Variants in MICAL3 observed in about 807,000 individuals in gnomAD.
The protein encoded by MICAL3 is microtubule associated monooxygenase, calponin and LIM domain containing 3.
A neutral mutation model predicts 207.4 loss-of-function variants in MICAL3; 62 were observed. That is an observed-to-expected ratio of 0.30 (90% confidence interval 0.24 to 0.37). The LOEUF is 0.37. MICAL3 is among the 10% of genes least tolerant of loss of function. The pLI is 1.00. For synonymous variants in MICAL3, 1,077 were observed against 1,069.3 expected (o/e 1.01, Z -0.14); for missense variants, 2,368 against 2,635.6 (o/e 0.90, Z 2.22).
intron 16 of MICAL3, among the ~76,000 whole-genome samples, chr22:17,882,921 C>A (rs1019290153): frequency 6.6e-6 from 1 of 152,210 alleles, no homozygotes; most frequent in Admixed American, 6.5e-5. Context: ...GCTGCGCTGG[C>A]AGGGACTACC....
intron 21 of MICAL3, among the ~76,000 whole-genome samples, chr22:17,831,253 CCCT>C (rs71728787): frequency 0.27 from 41,093 of 152,036 alleles, 5,724 homozygotes; most frequent in African/African-American, 0.3. Context: ...CCCAGCAAGT[CCCT>C]CCTCATCACT....
At chr22:17,856,513 C>T (rs999831963) in intron 19 of MICAL3, among the ~76,000 whole-genome samples, 8 of 152,098 alleles carry the variant, frequency 5.3e-5, no homozygotes, top group East Asian at 1.9e-4. Flanking sequence ...CCTCTACCAA[C>T]GCCAATGCCC....
chr22:17,916,055 CAAA>C (rs755146574), intron 1 of MICAL3, among the ~76,000 whole-genome samples: 3,794 of 57,822 alleles, frequency 0.066, 164 homozygotes, highest in African/African-American at 0.17. Flanking sequence ...GATCCAGTCT[CAAA>C]AAAAAAAAAA....
chr22:17,834,884 T>C (rs968545790), intron 20 of MICAL3, among the ~76,000 whole-genome samples: 1 of 152,278 alleles, frequency 6.6e-6, no homozygotes, highest in Admixed American at 6.5e-5. Flanking sequence ...AGGCTAAGGA[T>C]GCATCTATGC....
intron 1 of MICAL3, among the ~76,000 whole-genome samples, chr22:17,958,025 T>C (rs917276866): frequency 1.3e-5 from 2 of 152,148 alleles, no homozygotes; most frequent in African/African-American, 4.8e-5. Flanking sequence ...TACCCATAAC[T>C]GAAATCTTAG....
At chr22:18,021,041 AT>A (rs553350175) in intron 1 of MICAL3, among the ~76,000 whole-genome samples, 254 of 152,342 alleles carry the variant, frequency 1.7e-3, no homozygotes, top group African/African-American at 5.8e-3. Flanking sequence ...TGAAAAGGGA[AT>A]TTATTAAAGC....
intron 1 of MICAL3, among the ~76,000 whole-genome samples, chr22:18,003,709 G>T (rs1424800281): frequency 6.6e-6 from 1 of 151,966 alleles, no homozygotes; most frequent in Non-Finnish European, 1.5e-5. Context: ...CCTCCCAACA[G>T]CTGGTCACCC....
At chr22:17,916,051 GTC>G (rs1398541773) in intron 1 of MICAL3, among the ~76,000 whole-genome samples, 1 of 85,572 alleles carries the variant, frequency 1.2e-5, no homozygotes, top group East Asian at 3.6e-4. Context: ...GCGAGATCCA[GTC>G]TCAAAAAAAA....
At chr22:17,820,077 G>A (rs1391094231) in intron 25 of MICAL3, among the ~76,000 whole-genome samples, 1 of 150,044 alleles carries the variant, frequency 6.7e-6, no homozygotes. Context: ...AGGCTGCAGT[G>A]AGCCATGATC....
intron 16 of MICAL3, chr22:17,872,799 T>C (rs759156246): frequency 6.2e-6 from 10 of 1,613,804 alleles, no homozygotes; most frequent in East Asian, 4.5e-5. Context: ...TTGAAGCTGA[T>C]TGGCTATCTG....
intron 20 of MICAL3, among the ~76,000 whole-genome samples, chr22:17,837,270 G>A (rs974648201): frequency 2.0e-5 from 3 of 152,248 alleles, no homozygotes; most frequent in African/African-American, 7.2e-5. Flanking sequence ...GGCCAGCCCT[G>A]AGGGAGCGGC....
At position 17,862,619 on chromosome 22, in the gene MICAL3, GT is replaced by G. The variant is rs1331997917; in HGVS notation, c.2605+2279del. 3.8e-5 allele frequency: 37 copies of G among 985,260 alleles called. No individual in the cohort carries two copies. In the East Asian group the frequency reaches 1.0e-3, roughly 27 times the overall value. 61.0% of individuals were successfully genotyped at this position (985,260 alleles called of 1,614,324 possible). ...GTCTAGTTAAGTCCTCAAAGCTTCAGTTTCATATTTAAAGAAGGAAATCTCT... is the reference window on the plus strand; with the variant it reads ...GTCTAGTTAAGTCCTCAAAGCTTCAGTTCATATTTAAAGAAGGAAATCTCT... On this transcript the variant is annotated intron_variant, in intron 19 of 31. Coordinates refer to ENST00000441493, the MANE Select transcript of MICAL3 (RefSeq NM_015241.3).
chr22:17,914,377 A>C (rs1761840612), intron 1 of MICAL3, among the ~76,000 whole-genome samples: 1 of 152,118 alleles, frequency 6.6e-6, no homozygotes, highest in Admixed American at 6.5e-5. Flanking sequence ...TGCCACATCC[A>C]CGCCTATGGC....
intron 19 of MICAL3, chr22:17,863,347 A>G: frequency 2.0e-6 from 2 of 985,412 alleles, no homozygotes; most frequent in Non-Finnish European, 2.4e-6. Flanking sequence ...AATAGGGCCC[A>G]GACTAATAAG....
chr22:18,007,676 G>C (rs1317074770), intron 1 of MICAL3, among the ~76,000 whole-genome samples: 1 of 150,980 alleles, frequency 6.6e-6, no homozygotes, highest in African/African-American at 2.5e-5. Context: ...TGATGGGGCC[G>C]GGTGCTGTGG....
intron 1 of MICAL3, among the ~76,000 whole-genome samples, chr22:17,974,954 G>T (rs1110666): frequency 0.2 from 30,128 of 152,112 alleles, 3,194 homozygotes; most frequent in Middle Eastern, 0.27. Context: ...GTTTCTATGT[G>T]GTAGAAGACA....
At chr22:17,808,512 C>T (rs2145983494) in intron 29 of MICAL3, among the ~76,000 whole-genome samples, 1 of 152,306 alleles carries the variant, frequency 6.6e-6, no homozygotes, top group Non-Finnish European at 1.5e-5. Flanking sequence ...GGTTCAATCT[C>T]CCTCACTCCC....
chr22:17,809,160 C>G (rs115787807), intron 28 of MICAL3, among the ~76,000 whole-genome samples: 1 of 152,158 alleles, frequency 6.6e-6, no homozygotes. Flanking sequence ...CATCAAAGCG[C>G]GTGGACGTGA....
At chr22:17,851,539 A>G (rs1925341737) in intron 19 of MICAL3, among the ~76,000 whole-genome samples, 1 of 152,206 alleles carries the variant, frequency 6.6e-6, no homozygotes, top group African/African-American at 2.4e-5. Context: ...GATCAGGATA[A>G]AGAGTTCTAA....
Sources: allele counts gnomAD v4.1 joint callset (sites outside exome capture counted in the v4.1 genomes callset), GRCh38; gene constraint gnomAD v4.1.1; transcripts MANE v1.5; gene names NCBI Gene and HGNC (gene_info 2026-07-23, HGNC 2026-07-21).